The following SRGAP1 variants were observed in gnomAD, a reference collection of about 807,000 sequenced individuals.
SRGAP1 encodes the protein SLIT-ROBO Rho GTPase activating protein 1.
In SRGAP1, 43 loss-of-function variants were observed where a neutral mutation model predicts 121.9. The ratio of observed to expected loss-of-function variants is 0.35; its 90% CI spans 0.28 to 0.46. SRGAP1 has a LOEUF of 0.46. Ranked by LOEUF, SRGAP1 falls within the 20% of genes least tolerant of loss-of-function variation. The pLI, the probability that SRGAP1 is intolerant of heterozygous loss-of-function variation, is 1.00. For synonymous variants in SRGAP1, 447 were observed against 485.4 expected, an observed-to-expected ratio of 0.92 and a Z score of 1.04; for missense variants, 1,102 against 1,350.9, an observed-to-expected ratio of 0.82 and a Z score of 2.89.
chr12:64,023,086 G>C (rs73317400), intron 4 of SRGAP1, among the ~76,000 whole-genome samples: 3,670 of 151,606 alleles, frequency 0.024, 158 homozygotes, highest in African/African-American at 0.082. Context: ...GATGGCCCCA[G>C]CTTCATGTCA....
intron 1 of SRGAP1, among the ~76,000 whole-genome samples, chr12:63,895,727 G>T (rs1311919180): frequency 6.6e-6 from 1 of 152,194 alleles, no homozygotes; most frequent in African/African-American, 2.4e-5. Context: ...AATGCTTCCA[G>T]TTATACCTAA....
chr12:64,014,758 TTTGTTGTTGTTG>T (rs56666934), intron 3 of SRGAP1, among the ~76,000 whole-genome samples: 1 of 151,478 alleles, frequency 6.6e-6, no homozygotes, highest in Non-Finnish European at 1.5e-5. Context: ...CATAAGGGAA[TTTGTTGTTGTTG>T]TTGTTGTTGT....
At position 64,143,884 on chromosome 12, in the gene SRGAP1, G is replaced by A. The variant is rs1191882361; in HGVS notation, c.*1212G>A. 6.6e-6 allele frequency: 1 copy of A among 152,216 alleles called. No homozygotes were observed. The highest frequency in any genetic ancestry group is 2.4e-5 in the African/African-American group (1 of 41,448). 9.4% of individuals were successfully genotyped at this position (152,216 alleles called of 1,614,324 possible). ...CAACCCTGAACTGGCCCTGGTACCT[G>A]AGTAAGAGCCATGCAGGGCCATCAG... On this transcript the variant is annotated 3_prime_UTR_variant, in exon 22 of 22. Transcript: ENST00000355086.
intron 21 of SRGAP1, among the ~76,000 whole-genome samples, chr12:64,137,263 C>A (rs923182761): frequency 6.9e-6 from 1 of 145,716 alleles, no homozygotes; most frequent in African/African-American, 2.7e-5. Context: ...AGTGAGACTC[C>A]GTCTCAAAAA....
intron 18 of SRGAP1, among the ~76,000 whole-genome samples, chr12:64,121,150 A>C (rs906488045): frequency 1.3e-5 from 2 of 151,610 alleles, no homozygotes; most frequent in Admixed American, 6.6e-5. Flanking sequence ...AGTAACTGGG[A>C]CCATAGGCAT....
intron 14 of SRGAP1, among the ~76,000 whole-genome samples, chr12:64,096,221 G>A (rs887048686): frequency 1.3e-5 from 2 of 152,108 alleles, no homozygotes; most frequent in African/African-American, 4.8e-5. Context: ...ATCTGCTTGG[G>A]TGAGGCTTTC....
chr12:64,041,901 A>ATTATTC (rs1457023095), intron 4 of SRGAP1, among the ~76,000 whole-genome samples: 1 of 144,404 alleles, frequency 6.9e-6, no homozygotes, highest in East Asian at 2.0e-4. Context: ...TATTATTATT[A>ATTATTC]TTATTATTAT....
intron 21 of SRGAP1, among the ~76,000 whole-genome samples, chr12:64,137,421 T>C (rs1198016096): frequency 6.6e-6 from 1 of 152,206 alleles, no homozygotes; most frequent in Non-Finnish European, 1.5e-5. Context: ...AAAAGTGATG[T>C]CACCCTCGTA....
chr12:63,947,805 C>T (rs1440487123), intron 1 of SRGAP1, among the ~76,000 whole-genome samples: 2 of 152,182 alleles, frequency 1.3e-5, no homozygotes, highest in Non-Finnish European at 2.9e-5. Context: ...GCTCATTGCA[C>T]TCACCACAAC....
chr12:64,139,579 G>C (rs530064432), intron 21 of SRGAP1, among the ~76,000 whole-genome samples: 147 of 151,942 alleles, frequency 9.7e-4, no homozygotes, highest in African/African-American at 3.3e-3. Flanking sequence ...CCAACTTTTT[G>C]ATGGGGTTGT....
At chr12:63,864,546 T>C (rs1899559539) in intron 1 of SRGAP1, among the ~76,000 whole-genome samples, 1 of 152,166 alleles carries the variant, frequency 6.6e-6, no homozygotes, top group Non-Finnish European at 1.5e-5. Flanking sequence ...TGCCTTACTT[T>C]CCTTGCCATT....
intron 1 of SRGAP1, chr12:63,982,563 A>G (rs1255625207): frequency 1.3e-5 from 2 of 152,210 alleles, no homozygotes; most frequent in Non-Finnish European, 2.9e-5. Flanking sequence ...GGTCAAGTGT[A>G]TGTATGTATA....
intron 1 of SRGAP1, chr12:63,983,515 A>G (rs927787698): frequency 6.6e-6 from 1 of 152,106 alleles, no homozygotes; most frequent in African/African-American, 2.4e-5. Context: ...CAACCTGGAC[A>G]CAGTATTCTA....
chr12:64,123,170 A>G (rs2036630079), intron 18 of SRGAP1, among the ~76,000 whole-genome samples: 1 of 152,202 alleles, frequency 6.6e-6, no homozygotes, highest in Non-Finnish European at 1.5e-5. Context: ...TCACACAGGA[A>G]TTTGCAAATT....
intron 1 of SRGAP1, among the ~76,000 whole-genome samples, chr12:63,870,878 C>T (rs75880545): frequency 0.015 from 2,302 of 152,220 alleles, 26 homozygotes; most frequent in Non-Finnish European, 0.026. Context: ...CACTGCTCCC[C>T]GCCTTCCTAG....
Position 63,987,444 on chromosome 12 carries a change from C to T in SRGAP1, c.264-2466C>T, listed in dbSNP as rs147795383. Among the ~76,000 whole-genome samples, 249 of 152,030 alleles carry T rather than the reference C, an allele frequency of 1.6e-3. 1 individual carries two copies. The highest frequency in any genetic ancestry group is 5.6e-3 in the African/African-American group (231 of 41,512). The stretch of plus-strand genomic sequence containing the variant: ...CACTGATAGAAAAGATACAAAGGGT[C>T]GGGTGCGGTGGCTCACACCTGTAAT... On this transcript the variant is annotated intron_variant, in intron 2 of 21. Coordinates refer to ENST00000355086, the MANE Select transcript of SRGAP1 (RefSeq NM_020762.4).
At chr12:63,932,580 A>G (rs2031518859) in intron 1 of SRGAP1, among the ~76,000 whole-genome samples, 1 of 152,168 alleles carries the variant, frequency 6.6e-6, no homozygotes, top group Non-Finnish European at 1.5e-5. Context: ...AATAAATAAT[A>G]ACAAGTAAAT....
At chr12:64,081,142 T>A (rs1208538142) in intron 10 of SRGAP1, 1 of 152,354 alleles carries the variant, frequency 6.6e-6, no homozygotes, top group East Asian at 1.9e-4. Context: ...CTGTCTTAAG[T>A]GCTTCATAGT....
chr12:63,919,255 G>A (rs1029857753), intron 1 of SRGAP1, among the ~76,000 whole-genome samples: 10 of 151,782 alleles, frequency 6.6e-5, no homozygotes, highest in Non-Finnish European at 1.3e-4. Flanking sequence ...ACAGGGTTTC[G>A]CCATGTTGCC....
Sources: allele counts gnomAD v4.1 joint callset (sites outside exome capture counted in the v4.1 genomes callset), GRCh38; gene constraint gnomAD v4.1.1; transcripts MANE v1.5; gene names NCBI Gene and HGNC (gene_info 2026-07-23, HGNC 2026-07-21).